CRTC3: variants seen among roughly 807,000 people sequenced by gnomAD.
CRTC3 encodes CREB-regulated transcription coactivator 3.
CRTC3 carries 26 observed loss-of-function variants against 74.5 expected under a neutral mutation model. The observed-to-expected ratio is 0.35, with a 90% CI of 0.26 to 0.48. The LOEUF is 0.48. Ranked by LOEUF, CRTC3 falls within the 20% of genes least tolerant of loss-of-function variation. The probability of loss-of-function intolerance (pLI) is 0.99; values close to 1 mark genes in which losing one functional copy is unlikely to be tolerated. For synonymous variants in CRTC3, 377 were observed against 325.8 expected, an observed-to-expected ratio of 1.16 and a Z score of -1.69; for missense variants, 760 against 787.3, an observed-to-expected ratio of 0.97 and a Z score of 0.41.
intron 11 of CRTC3, among the ~76,000 whole-genome samples, chr15:90,634,271 C>G (rs957095340): frequency 6.6e-6 from 1 of 152,082 alleles, no homozygotes; most frequent in African/African-American, 2.4e-5. Flanking sequence ...CACCACCACA[C>G]CTGGCTAATT....
intron 11 of CRTC3, 75 bp from the exon 12 acceptor site, chr15:90,638,371 A>C (rs577257434): frequency 3.1e-5 from 40 of 1,300,226 alleles, no homozygotes; most frequent in Non-Finnish European, 4.2e-5. Flanking sequence ...TCTCACTCTG[A>C]CATTTCCTAA....
rs539454027 is a variant in CRTC3 at position 90,537,151 on chromosome 15, C to A, written c.133-2888C>A. The stretch of plus-strand genomic sequence containing the variant: ...GACAGTCTCAAAGTTCTTTTTCTAG[C>A]TCAATGAGTCTAAATTTCAAAAGAG... On this transcript the variant is annotated intron_variant, in intron 1 of 14. Transcript: ENST00000268184. 9.2e-5 allele frequency among the ~76,000 whole-genome samples: 14 copies of A among 152,288 alleles called. 1 individual carries two copies. Among genetic ancestry groups the A allele is most frequent in the African/African-American group, 3.4e-4 (14 of 41,572 alleles).
At chr15:90,557,993 GATTGGATTCCAGAGTACCTTAA>G (rs1024585520) in intron 2 of CRTC3, among the ~76,000 whole-genome samples, 17 of 151,984 alleles carry the variant, frequency 1.1e-4, no homozygotes, top group African/African-American at 4.1e-4. Context: ...TTGCCTTTCT[GATTGGATTCCAGAGTACCTTAA>G]ATTTCTCGTT....
chr15:90,638,920 C>A, intron 13 of CRTC3, 105 bp downstream of exon 13: 1 of 966,186 alleles, frequency 1.0e-6, no homozygotes. Context: ...ATGCCACTTT[C>A]CTGGTTCTGG....
chr15:90,556,958 CTATATATATATATATATATATATATATA>C lies in CRTC3; in HGVS notation c.231+16835_231+16862del, dbSNP rs6145675. On this transcript the variant is annotated intron_variant, in intron 2 of 14. Coordinates refer to ENST00000268184, the MANE Select transcript of CRTC3 (RefSeq NM_022769.5). ...TATTCTCTTTATAATCACCACATGG[CTATATATATATATATATATATATATATA>C]TATATATATATATCTTTATAATACA... Among the ~76,000 whole-genome samples the C allele has an allele frequency of 8.7e-4, 114 of 130,532 alleles. 2 individuals carry two copies. The highest frequency in any genetic ancestry group is 3.2e-3 in the African/African-American group (104 of 32,374). The allele number at this position is 130,532 out of a possible 152,430, so 85.6% of individuals were successfully genotyped here.
At chr15:90,555,187 T>C (rs545172169) in intron 2 of CRTC3, among the ~76,000 whole-genome samples, 67 of 152,280 alleles carry the variant, frequency 4.4e-4, no homozygotes, top group East Asian at 3.7e-3. Flanking sequence ...AGCCCCCCTT[T>C]TTAGTTGATT....
At chr15:90,606,045 C>G (rs1201822595) in intron 5 of CRTC3, among the ~76,000 whole-genome samples, 1 of 152,074 alleles carries the variant, frequency 6.6e-6, no homozygotes, top group African/African-American at 2.4e-5. Flanking sequence ...CACCTGAGGT[C>G]AGGAGTTCAA....
chr15:90,534,552 A>G (rs1223006814), intron 1 of CRTC3, among the ~76,000 whole-genome samples: 1 of 127,058 alleles, frequency 7.9e-6, no homozygotes, highest in Non-Finnish European at 1.8e-5. Context: ...TTTGGCCCAA[A>G]ATGTGGTTAG....
intron 8 of CRTC3, among the ~76,000 whole-genome samples, chr15:90,619,021 A>C (rs1567187048): frequency 6.6e-6 from 1 of 152,058 alleles, no homozygotes. Flanking sequence ...GATTTGTAAT[A>C]CTCATTCCTG....
chr15:90,556,794 A>T (rs935241364), intron 2 of CRTC3, among the ~76,000 whole-genome samples: 1 of 152,096 alleles, frequency 6.6e-6, no homozygotes, highest in Non-Finnish European at 1.5e-5. Context: ...GTTGATATAG[A>T]TACTTTCATA....
chr15:90,597,073 G>A (rs1967944811), intron 3 of CRTC3, among the ~76,000 whole-genome samples: 2 of 152,208 alleles, frequency 1.3e-5, no homozygotes, highest in Admixed American at 1.3e-4. Flanking sequence ...TGGCATGGGT[G>A]GCCACACAAG....
Position 90,560,015 on chromosome 15 carries a change from T to A in CRTC3, c.231+19878T>A, listed in dbSNP as rs1378638559. Among the ~76,000 whole-genome samples the A allele has an allele frequency of 2.0e-5, 3 of 152,266 alleles. No homozygotes were observed. The East Asian group carries it at 5.8e-4, about 29-fold the overall frequency. Reference sequence around the variant, plus strand: ...CCTGTTCATAACCTTTTCTCAGTTTTTTTTCTTATCAAATTGTAGGAGTTC... The same window carrying A: ...CCTGTTCATAACCTTTTCTCAGTTTATTTTCTTATCAAATTGTAGGAGTTC... On this transcript the variant is annotated intron_variant, in intron 2 of 14. Transcript: ENST00000268184.
intron 2 of CRTC3, among the ~76,000 whole-genome samples, chr15:90,557,959 C>G (rs1399234336): frequency 6.6e-6 from 1 of 152,146 alleles, no homozygotes; most frequent in Admixed American, 6.5e-5. Context: ...GACCAATGCA[C>G]TTTCCTGATG....
At chr15:90,550,198 G>A (rs1305777772) in intron 2 of CRTC3, among the ~76,000 whole-genome samples, 2 of 151,572 alleles carry the variant, frequency 1.3e-5, no homozygotes, top group African/African-American at 4.8e-5. Flanking sequence ...GGAGGCCGAG[G>A]TGGGCAGATC....
At chr15:90,631,391 C>T (rs534609063) in intron 11 of CRTC3, among the ~76,000 whole-genome samples, 1 of 152,182 alleles carries the variant, frequency 6.6e-6, no homozygotes, top group African/African-American at 2.4e-5. Context: ...ACTACAGGCC[C>T]ATGTCACCAC....
At chr15:90,632,985 G>C (rs141076664) in intron 11 of CRTC3, among the ~76,000 whole-genome samples, 88 of 152,218 alleles carry the variant, frequency 5.8e-4, no homozygotes, top group African/African-American at 1.9e-3. Context: ...ATGAAGATTA[G>C]AATTTAATTC....
intron 2 of CRTC3, among the ~76,000 whole-genome samples, chr15:90,573,675 A>G (rs1287085998): frequency 6.6e-6 from 1 of 151,396 alleles, no homozygotes; most frequent in Non-Finnish European, 1.5e-5. Flanking sequence ...TCCTCTGTCC[A>G]TTTCCACATC....
At chr15:90,544,025 C>T (rs1302986898) in intron 2 of CRTC3, among the ~76,000 whole-genome samples, 1 of 152,164 alleles carries the variant, frequency 6.6e-6, no homozygotes, top group African/African-American at 2.4e-5. Flanking sequence ...CCTAGGGCTG[C>T]TGTAACAAAG....
intron 3 of CRTC3, chr15:90,595,576 A>C (rs1967903151): frequency 6.6e-6 from 1 of 152,040 alleles, no homozygotes; most frequent in African/African-American, 2.4e-5. Context: ...AAAAAAAAAA[A>C]AACCAATGTA....
Sources: allele counts gnomAD v4.1 joint callset (sites outside exome capture counted in the v4.1 genomes callset), GRCh38; gene constraint gnomAD v4.1.1; transcripts MANE v1.5; gene names NCBI Gene and HGNC (gene_info 2026-07-23, HGNC 2026-07-21).